The following GRID2 variants were observed in gnomAD, a reference collection of about 807,000 sequenced individuals.
GRID2 encodes the protein glutamate ionotropic receptor delta type subunit 2.
A neutral mutation model predicts 114.8 loss-of-function variants in GRID2; 33 were observed. The observed-to-expected ratio is 0.29, with a 90% CI of 0.22 to 0.38. The LOEUF (loss-of-function observed/expected upper bound fraction) is 0.38. Ranked by LOEUF, GRID2 falls within the 10% of genes least tolerant of loss-of-function variation. The probability of loss-of-function intolerance (pLI) is 1.00; values close to 1 mark genes in which losing one functional copy is unlikely to be tolerated. For synonymous variants in GRID2, 505 were observed against 449.9 expected (o/e 1.12, Z -1.55); for missense variants, 1,184 against 1,257.7 (o/e 0.94, Z 0.89).
chr4:92,391,463 G>A (rs1472848772), intron 1 of GRID2, among the ~76,000 whole-genome samples: 1 of 151,804 alleles, frequency 6.6e-6, no homozygotes, highest in Non-Finnish European at 1.5e-5. Context: ...GAAAATTATG[G>A]CATTGCTCTT....
intron 2 of GRID2, among the ~76,000 whole-genome samples, chr4:93,058,814 T>C (rs566308441): frequency 1.6e-4 from 25 of 152,194 alleles, no homozygotes; most frequent in Non-Finnish European, 2.8e-4. Context: ...TTCATTTGGC[T>C]CATTCCAAAT....
intron 1 of GRID2, among the ~76,000 whole-genome samples, chr4:92,582,992 A>G (rs538845427): frequency 6.6e-6 from 1 of 151,980 alleles, no homozygotes; most frequent in Admixed American, 6.6e-5. Context: ...GTCTCTCTCT[A>G]TATATATTAT....
chr4:92,650,486 T>A (rs72661997), intron 2 of GRID2, among the ~76,000 whole-genome samples: 2,884 of 152,202 alleles, frequency 0.019, 56 homozygotes, highest in Middle Eastern at 0.034. Flanking sequence ...TTCATTCGTA[T>A]CTACATTGAG....
chr4:92,981,682 T>G (rs1035178944), intron 2 of GRID2, among the ~76,000 whole-genome samples: 2 of 151,970 alleles, frequency 1.3e-5, no homozygotes, highest in Non-Finnish European at 2.9e-5. Context: ...GTTGTATTTA[T>G]TATATAAATA....
chr4:92,713,055 T>C (rs1018661424), intron 2 of GRID2, among the ~76,000 whole-genome samples: 1 of 151,868 alleles, frequency 6.6e-6, no homozygotes, highest in Non-Finnish European at 1.5e-5. Context: ...TGCAGATTAG[T>C]TACATATGTA....
At chr4:93,102,647 G>A (rs1218856084) in intron 3 of GRID2, among the ~76,000 whole-genome samples, 1 of 151,892 alleles carries the variant, frequency 6.6e-6, no homozygotes, top group Non-Finnish European at 1.5e-5. Flanking sequence ...GGCACATGTA[G>A]AAAACAAGGG....
At chr4:92,705,823 G>T (rs1298559647) in intron 2 of GRID2, among the ~76,000 whole-genome samples, 1 of 152,096 alleles carries the variant, frequency 6.6e-6, no homozygotes, top group Non-Finnish European at 1.5e-5. Flanking sequence ...TTATTGGATG[G>T]TCTTTGTCCT....
intron 1 of GRID2, among the ~76,000 whole-genome samples, chr4:92,366,029 A>G (rs1728844076): frequency 6.6e-6 from 1 of 152,128 alleles, no homozygotes; most frequent in African/African-American, 2.4e-5. Context: ...AATGTTGGCT[A>G]CTGTTATGTA....
intron 10 of GRID2, among the ~76,000 whole-genome samples, chr4:93,434,790 A>C (rs1720910285): frequency 6.6e-6 from 1 of 152,088 alleles, no homozygotes; most frequent in South Asian, 2.1e-4. Flanking sequence ...CTGTCCTTAA[A>C]ATTGTCTACA....
chr4:92,891,801 C>G (rs530976902), intron 2 of GRID2, among the ~76,000 whole-genome samples: 2 of 152,094 alleles, frequency 1.3e-5, no homozygotes, highest in Non-Finnish European at 2.9e-5. Flanking sequence ...CTTATTGAGT[C>G]ACACTTGCAC....
intron 1 of GRID2, among the ~76,000 whole-genome samples, chr4:92,557,340 T>C (rs1339376886): frequency 1.3e-5 from 2 of 151,600 alleles, no homozygotes; most frequent in Admixed American, 1.3e-4. Context: ...TTTAATTTTA[T>C]AATGATTTGA....
At chr4:92,656,677 A>G (rs1732255555) in intron 2 of GRID2, among the ~76,000 whole-genome samples, 4 of 151,722 alleles carry the variant, frequency 2.6e-5, no homozygotes, top group Admixed American at 6.6e-5. Flanking sequence ...GTCACCCTCT[A>G]TGGAAGGCAA....
chr4:93,279,863 A>G (rs1752471186), intron 8 of GRID2, among the ~76,000 whole-genome samples: 1 of 151,992 alleles, frequency 6.6e-6, no homozygotes. Flanking sequence ...TAAAGCAAGC[A>G]TAGTATACAT....
chr4:93,474,921 C>T (rs1725179346), intron 11 of GRID2, among the ~76,000 whole-genome samples: 1 of 152,114 alleles, frequency 6.6e-6, no homozygotes, highest in African/African-American at 2.4e-5. Flanking sequence ...CAAATAGAGG[C>T]TTTCATATTT....
intron 2 of GRID2, among the ~76,000 whole-genome samples, chr4:93,023,680 A>G (rs569104913): frequency 6.6e-6 from 1 of 152,040 alleles, no homozygotes; most frequent in African/African-American, 2.4e-5. Flanking sequence ...ATCACATATA[A>G]CCTCAAATAT....
intron 2 of GRID2, among the ~76,000 whole-genome samples, chr4:93,000,761 C>A: frequency 8.2e-6 from 1 of 121,594 alleles, no homozygotes; most frequent in Non-Finnish European, 1.6e-5. Context: ...ATTAAGGGTA[C>A]ACATGGACAT....
At chr4:92,954,579 A>G (rs925110195) in intron 2 of GRID2, among the ~76,000 whole-genome samples, 8 of 149,506 alleles carry the variant, frequency 5.4e-5, no homozygotes, top group African/African-American at 2.0e-4. Flanking sequence ...GGTGCCAGCC[A>G]CCATGCCCGG....
chr4:93,096,543 G>A (rs1731244425), intron 3 of GRID2, among the ~76,000 whole-genome samples: 2 of 151,988 alleles, frequency 1.3e-5, no homozygotes, highest in African/African-American at 4.8e-5. Flanking sequence ...TTAAATGGGT[G>A]AAAGCCTTGT....
At chr4:93,791,718 A>G (rs1453001211) in intron 1 of GRID2, among the ~76,000 whole-genome samples, 1 of 152,160 alleles carries the variant, frequency 6.6e-6, no homozygotes, top group Non-Finnish European at 1.5e-5. Flanking sequence ...AATGCTCACC[A>G]GGAAAGAAAA....
Sources: allele counts gnomAD v4.1 joint callset (sites outside exome capture counted in the v4.1 genomes callset), GRCh38; gene constraint gnomAD v4.1.1; transcripts MANE v1.5; gene names NCBI Gene and HGNC (gene_info 2026-07-23, HGNC 2026-07-21).